CNTLN: variants seen among roughly 807,000 people sequenced by gnomAD.
CNTLN encodes centlein, also known as centlein, centrosomal protein.
Under a neutral mutation model 180.0 loss-of-function variants are expected in CNTLN, and 212 were observed. That is an observed-to-expected ratio of 1.18 (90% CI 1.05 to 1.32). The LOEUF (loss-of-function observed/expected upper bound fraction) is 1.32, where lower values mean the gene tolerates loss of function less well. Among genes scored for constraint, CNTLN ranks in the 40% most tolerant of loss-of-function variants. CNTLN has a pLI of 0.00. For missense variants in CNTLN, 2,095 were observed against 1,610.9 expected (o/e 1.30, Z -5.14); for synonymous variants, 722 against 563.1 (o/e 1.28, Z -3.99).
At chr9:17,285,330 G>A (rs1238662064) in intron 6 of CNTLN, among the ~76,000 whole-genome samples, 29 of 149,610 alleles carry the variant, frequency 1.9e-4, no homozygotes, top group African/African-American at 5.9e-4. Context: ...CAAAGGACAC[G>A]AACTCATCAT....
rs560658611 is a variant in CNTLN at position 17,137,998 on chromosome 9, A to C, written c.360+2573A>C. Among the ~76,000 whole-genome samples, 4 of 152,348 alleles carry C rather than the reference A, an allele frequency of 2.6e-5. No homozygotes were observed. The East Asian group carries it at 7.7e-4, about 29-fold the overall frequency. On this transcript the variant is annotated intron_variant, in intron 1 of 25. Transcript: ENST00000380647. Reference sequence around the variant, plus strand: ...TAATTTCAATGAGGGAAGAAAAGCTATCTGTATTGGACTTACTGAGGGTAG... The same window carrying C: ...TAATTTCAATGAGGGAAGAAAAGCTCTCTGTATTGGACTTACTGAGGGTAG...
chr9:17,298,078 C>T, intron 6 of CNTLN, 112 bp from the exon 7 acceptor site: 1 of 831,058 alleles, frequency 1.2e-6, no homozygotes, highest in Admixed American at 3.1e-5. Flanking sequence ...GCCTGCAGTA[C>T]AAATAACAGA....
At chr9:17,259,313 C>T (rs1391687489) in intron 5 of CNTLN, among the ~76,000 whole-genome samples, 1 of 140,668 alleles carries the variant, frequency 7.1e-6, no homozygotes, top group East Asian at 2.1e-4. Flanking sequence ...CCTTGCATCC[C>T]AGGGATGAAG....
intron 16 of CNTLN, among the ~76,000 whole-genome samples, chr9:17,410,399 T>G (rs1226736137): frequency 6.6e-6 from 1 of 152,212 alleles, no homozygotes; most frequent in Non-Finnish European, 1.5e-5. Flanking sequence ...GTCTGTATTT[T>G]TCTTACTGGC....
At chr9:17,298,815 C>G (rs1818137257) in intron 7 of CNTLN, 2 of 985,988 alleles carry the variant, frequency 2.0e-6, no homozygotes, top group African/African-American at 3.5e-5. Flanking sequence ...GGATTTTTCT[C>G]TGTTTATTTT....
chr9:17,328,033 A>G (rs567598849), intron 8 of CNTLN, among the ~76,000 whole-genome samples: 5 of 152,258 alleles, frequency 3.3e-5, no homozygotes, highest in South Asian at 2.1e-4. Flanking sequence ...AAAGAAAATA[A>G]TTCATATTAC....
chr9:17,362,480 T>C (rs1470613012), intron 12 of CNTLN, among the ~76,000 whole-genome samples: 2 of 149,978 alleles, frequency 1.3e-5, no homozygotes, highest in African/African-American at 4.9e-5. Context: ...GAACAAAAAA[T>C]GAGAGTATAC....
chr9:17,202,438 T>C (rs1822596198), intron 2 of CNTLN, among the ~76,000 whole-genome samples: 1 of 145,992 alleles, frequency 6.8e-6, no homozygotes. Flanking sequence ...ACTCACTCAC[T>C]ATTATTGTGT....
intron 4 of CNTLN, 63 bp from the exon 5 acceptor site, chr9:17,236,325 TATTTGCTGATTAGTGCTCACC>T: frequency 1.7e-6 from 2 of 1,152,430 alleles, no homozygotes; most frequent in Non-Finnish European, 2.4e-6. Context: ...GCACAGTTTG[TATTTGCTGATTAGTGCTCACC>T]ATTTTTTGGG....
chr9:17,445,516 A>T (rs2134073439), intron 18 of CNTLN, among the ~76,000 whole-genome samples: 1 of 152,314 alleles, frequency 6.6e-6, no homozygotes. Context: ...TCTCTGAAAC[A>T]TGTGCTGTGT....
chr9:17,415,644 T>G (rs1828164133), intron 16 of CNTLN, 144 bp from the exon 17 acceptor site: 1 of 617,898 alleles, frequency 1.6e-6, no homozygotes, highest in South Asian at 2.2e-5. Context: ...CCTCAAGCAG[T>G]CCTCCTGCCT....
At chr9:17,360,137 A>G (rs1266518439) in intron 12 of CNTLN, among the ~76,000 whole-genome samples, 1 of 152,180 alleles carries the variant, frequency 6.6e-6, no homozygotes, top group African/African-American at 2.4e-5. Flanking sequence ...TGTATTTTAA[A>G]TTTTTCTAAG....
chr9:17,174,698 GAAAA>G (rs34784210), intron 2 of CNTLN, among the ~76,000 whole-genome samples: 1 of 124,444 alleles, frequency 8.0e-6, no homozygotes, highest in Non-Finnish European at 1.7e-5. Context: ...TCCGTCTCAG[GAAAA>G]AAAAAAAAAA....
chr9:17,358,506 C>T lies in CNTLN; in HGVS notation c.1887-8111C>T, dbSNP rs549443738. Among the ~76,000 whole-genome samples, 16 of 152,114 alleles carry T rather than the reference C, an allele frequency of 1.1e-4. No individual in the cohort carries two copies. In the South Asian group the frequency reaches 2.1e-3, roughly 20 times the overall value. ...TTACACATAACTGCACACATGTAGA[C>T]GTACACGTGTGTATGTACTACATAT... On this transcript the variant is annotated intron_variant, in intron 12 of 25. Coordinates refer to ENST00000380647, the MANE Select transcript of CNTLN (RefSeq NM_017738.4).
At chr9:17,275,350 A>G (rs990734361) in intron 6 of CNTLN, among the ~76,000 whole-genome samples, 1 of 152,152 alleles carries the variant, frequency 6.6e-6, no homozygotes, top group African/African-American at 2.4e-5. Flanking sequence ...CTCAGAAACC[A>G]TCTAATCCCT....
chr9:17,524,302 A>G, the CNTLN span, among the ~76,000 whole-genome samples: 2 of 152,340 alleles, frequency 1.3e-5, no homozygotes, highest in East Asian at 3.9e-4. Context: ...AGGATAACTG[A>G]TGATGTACTA....
Position 17,340,866 on chromosome 9 carries a change from C to T in CNTLN, c.1684C>T (p.Arg562Cys), listed in dbSNP as rs3808782. 0.082 allele frequency: 132,486 copies of T among 1,610,838 alleles called. 6,119 individuals carry two copies. The highest frequency in any genetic ancestry group is 0.14 in the East Asian group (6,379 of 44,616). ...TGAGCTAAGAGATGCCCATGAAAAA[C>T]GCAAGGAACGGCTACAGATGTTACA... ...NDELRDAHEK[R>C]KERLQMLQTN... The change falls in exon 11 of 26, where the codon CGC becomes TGC. Residue 562 changes from arginine (R) to cysteine (C), a missense_variant. Transcript: ENST00000380647.
chr9:17,213,965 G>A lies in CNTLN; in HGVS notation c.450-12238G>A, dbSNP rs143806437. Among the ~76,000 whole-genome samples, 771 of 152,138 alleles carry A rather than the reference G, an allele frequency of 5.1e-3. 4 individuals are homozygous for A. The highest frequency in any genetic ancestry group is 0.017 in the African/African-American group (717 of 41,492). On this transcript the variant is annotated intron_variant, in intron 2 of 25. Transcript: ENST00000380647. ...ATGTGTGTCTTTGCAGGTGATATGG[G>A]TCTTCTGAATACAGCACACTGATGG...
chr9:17,310,161 A>G (rs1819026521), intron 8 of CNTLN, among the ~76,000 whole-genome samples: 1 of 152,134 alleles, frequency 6.6e-6, no homozygotes, highest in African/African-American at 2.4e-5. Flanking sequence ...CAACTTATCC[A>G]AAGACTAGAT....
Sources: allele counts gnomAD v4.1 joint callset (sites outside exome capture counted in the v4.1 genomes callset), GRCh38; gene constraint gnomAD v4.1.1; transcripts MANE v1.5; gene names NCBI Gene and HGNC (gene_info 2026-07-23, HGNC 2026-07-21).